The following RCL1 variants were observed in gnomAD, a reference collection of about 807,000 sequenced individuals.
RCL1 encodes the protein RNA terminal phosphate cyclase like 1.
In RCL1, 24 loss-of-function variants were observed where a neutral mutation model predicts 42.4. The observed-to-expected ratio is 0.57, with a 90% CI of 0.41 to 0.80. The LOEUF (loss-of-function observed/expected upper bound fraction) is 0.80, where lower values mean the gene tolerates loss of function less well. RCL1 is among the 30% of genes least tolerant of loss of function. RCL1 has a pLI of 0.00. For synonymous variants in RCL1, 228 were observed against 177.3 expected (o/e 1.29, Z -2.27); for missense variants, 578 against 467.9 (o/e 1.24, Z -2.17).
chr9:4,796,413 C>CT (rs981369958), intron 1 of RCL1, among the ~76,000 whole-genome samples: 1 of 151,916 alleles, frequency 6.6e-6, no homozygotes. Flanking sequence ...TTATTTCATT[C>CT]TTTTTTTTGA....
chr9:4,814,253 A>T lies in RCL1; in HGVS notation c.137-9295A>T, dbSNP rs189045402. ...GGTGTGTTCTTTCTATACCTAACGT[A>T]AGAGTTTTTATCATGAGGGGGTTTT... On this transcript the variant is annotated intron_variant, in intron 1 of 8. Transcript: ENST00000381750. Among the ~76,000 whole-genome samples, 53 of 117,328 alleles carry T rather than the reference A, an allele frequency of 4.5e-4. 2 individuals carry two copies. The highest frequency in any genetic ancestry group is 2.4e-3 in the Admixed American group (26 of 11,022). 77.0% of individuals were successfully genotyped at this position (117,328 alleles called of 152,430 possible). A position where few individuals can be genotyped will look rare whatever the true frequency, so the allele number is the denominator to read the frequency against.
At chr9:4,835,083 G>A (rs1817078674) in intron 5 of RCL1, among the ~76,000 whole-genome samples, 1 of 152,202 alleles carries the variant, frequency 6.6e-6, no homozygotes, top group South Asian at 2.1e-4. Context: ...GTGCACAGTG[G>A]TTCTAGGGAG....
intron 1 of RCL1, among the ~76,000 whole-genome samples, chr9:4,811,449 G>T (rs1816172353): frequency 6.6e-6 from 1 of 151,850 alleles, no homozygotes; most frequent in African/African-American, 2.4e-5. Flanking sequence ...CCCGCCTCTA[G>T]TAACCACTAT....
chr9:4,843,919 T>G (rs1489668169), intron 6 of RCL1, among the ~76,000 whole-genome samples: 1 of 152,222 alleles, frequency 6.6e-6, no homozygotes. Context: ...TAAGCATAAC[T>G]CAGAGTGCCT....
intron 3 of RCL1, among the ~76,000 whole-genome samples, chr9:4,831,090 A>T (rs1285710375): frequency 6.6e-6 from 1 of 152,178 alleles, no homozygotes; most frequent in Non-Finnish European, 1.5e-5. Flanking sequence ...TCTAACAGCC[A>T]GTGAGAGGCA....
At chr9:4,796,099 T>C (rs1377473325) in intron 1 of RCL1, among the ~76,000 whole-genome samples, 4 of 152,192 alleles carry the variant, frequency 2.6e-5, no homozygotes, top group African/African-American at 9.7e-5. Context: ...AAAGAAATTT[T>C]ATTTTAGAGT....
intron 5 of RCL1, among the ~76,000 whole-genome samples, chr9:4,838,427 A>G (rs1386334720): frequency 6.6e-6 from 1 of 152,216 alleles, no homozygotes; most frequent in Non-Finnish European, 1.5e-5. Context: ...TTAGTTTTGC[A>G]GTGCTGTCCT....
At chr9:4,851,342 G>A (rs1364240501) in intron 8 of RCL1, among the ~76,000 whole-genome samples, 5 of 152,184 alleles carry the variant, frequency 3.3e-5, no homozygotes. Context: ...TGTGCAGACG[G>A]GTCTGCCAGG....
At chr9:4,844,051 C>T (rs12348388) in intron 6 of RCL1, among the ~76,000 whole-genome samples, 3,445 of 152,130 alleles carry the variant, frequency 0.023, 116 homozygotes, top group African/African-American at 0.076. Flanking sequence ...GACTGACTAA[C>T]ATAGTTCTTC....
Position 4,793,237 on chromosome 9 carries a change from T to C in RCL1, c.136+10T>C, listed in dbSNP as rs753989007. On this transcript the variant is annotated intron_variant, in intron 1 of 8. Coordinates refer to ENST00000381750, the MANE Select transcript of RCL1 (RefSeq NM_005772.5). The stretch of plus-strand genomic sequence containing the variant: ...AACCCGGGCCTCCGAGGTAACTTGG[T>C]GTGGGCGGCGCGCGGCGTGGGCGCG... 2 of 1,585,742 alleles carry C rather than the reference T, an allele frequency of 1.3e-6. No individual in the cohort carries two copies. Among genetic ancestry groups the C allele is most frequent in the East Asian group, 4.6e-5 (2 of 43,244 alleles).
intron 5 of RCL1, among the ~76,000 whole-genome samples, chr9:4,838,778 C>T (rs1459225843): frequency 1.3e-5 from 2 of 152,186 alleles, no homozygotes; most frequent in Non-Finnish European, 2.9e-5. Context: ...ATATGTTTCT[C>T]AGGAGAGGGT....
At position 4,860,181 on chromosome 9, in the gene RCL1, C is replaced by G; in HGVS notation, c.1028C>G (p.Thr343Ser). Reference sequence around the variant, plus strand: ...TTCCAGATTATGTTTAAAATTGAAACCAAGCCATGTGGTGAAGAACTCAAG... The same window carrying G: ...TTCCAGATTATGTTTAAAATTGAAAGCAAGCCATGTGGTGAAGAACTCAAG... ...SFFQIMFKIETKPCGEELKGG... is the reference protein window; with the variant it reads ...SFFQIMFKIESKPCGEELKGG... Residue 343 changes from threonine to serine, a missense_variant, in exon 9 of 9, where the codon ACC (threonine) becomes AGC (serine). Thr to Ser is a moderately conservative substitution (Grantham distance 58). Coordinates refer to ENST00000381750, the MANE Select transcript of RCL1 (RefSeq NM_005772.5). 1.2e-6 allele frequency: 2 copies of G among 1,609,670 alleles called. No individual in the cohort carries two copies. The highest frequency in any genetic ancestry group is 1.7e-6 in the Non-Finnish European group (2 of 1,178,136).
At chr9:4,815,290 C>T (rs773398987) in intron 1 of RCL1, among the ~76,000 whole-genome samples, 2 of 152,000 alleles carry the variant, frequency 1.3e-5, no homozygotes, top group Non-Finnish European at 2.9e-5. Context: ...TAGGTGTTCT[C>T]ATTTCATTTT....
intron 1 of RCL1, among the ~76,000 whole-genome samples, chr9:4,801,718 CTTT>C (rs57255135): frequency 2.1e-4 from 23 of 111,448 alleles, no homozygotes; most frequent in Non-Finnish European, 2.4e-4. Flanking sequence ...GGTTGCGATT[CTTT>C]TTTTTTTTTT....
At chr9:4,839,939 G>A (rs906226929) in intron 5 of RCL1, 2 of 983,978 alleles carry the variant, frequency 2.0e-6, no homozygotes, top group East Asian at 1.1e-4. Flanking sequence ...CTGGGAGAAT[G>A]GGGCAAAGCA....
intron 2 of RCL1, among the ~76,000 whole-genome samples, chr9:4,825,158 C>T (rs1190333252): frequency 6.6e-6 from 1 of 151,740 alleles, no homozygotes; most frequent in Non-Finnish European, 1.5e-5. Context: ...GTTGGGATTA[C>T]AGGCATGAGC....
At position 4,830,099 on chromosome 9, in the gene RCL1, TAAG is replaced by T. The variant is rs570778993; in HGVS notation, c.385-3051_385-3049del. Among the ~76,000 whole-genome samples the T allele has an allele frequency of 2.7e-4, 41 of 152,322 alleles. 1 individual carries two copies. The South Asian group carries it at 8.3e-3, about 31-fold the overall frequency. On this transcript the variant is annotated intron_variant, in intron 3 of 8. Coordinates refer to ENST00000381750, the MANE Select transcript of RCL1 (RefSeq NM_005772.5). Reference sequence around the variant, plus strand: ...GAGAAGCCAAGCAGGAATCAAGTTCTAAGAAGTCAGGGATAATCCACAGAATCA... The same window carrying T: ...GAGAAGCCAAGCAGGAATCAAGTTCTAAGTCAGGGATAATCCACAGAATCA...
At chr9:4,852,191 T>C (rs1430238376) in intron 8 of RCL1, among the ~76,000 whole-genome samples, 1 of 152,190 alleles carries the variant, frequency 6.6e-6, no homozygotes, top group Middle Eastern at 3.2e-3. Context: ...AATGTGAAAC[T>C]CTTTTAGAAA....
At chr9:4,841,149 C>A (rs1817303506) in intron 5 of RCL1, 83 bp from the exon 6 acceptor site, 9 of 1,505,192 alleles carry the variant, frequency 6.0e-6, no homozygotes, top group African/African-American at 1.4e-5. Context: ...TACTACAGTT[C>A]CACAAATACT....
Sources: allele counts gnomAD v4.1 joint callset (sites outside exome capture counted in the v4.1 genomes callset), GRCh38; gene constraint gnomAD v4.1.1; transcripts MANE v1.5; gene names NCBI Gene and HGNC (gene_info 2026-07-23, HGNC 2026-07-21).